Variants in RAD51B observed in about 807,000 individuals in gnomAD.
The protein encoded by RAD51B is RAD51 paralog B.
In RAD51B, 38 loss-of-function variants were observed where a neutral mutation model predicts 42.2. The ratio of observed to expected loss-of-function variants is 0.90; its 90% CI spans 0.70 to 1.18. The LOEUF is 1.18. RAD51B is among the 50% of genes most tolerant of loss of function. RAD51B has a pLI of 0.00. For missense variants in RAD51B, 373 were observed against 400.7 expected, an observed-to-expected ratio of 0.93 and a Z score of 0.59; for synonymous variants, 154 against 145.2, an observed-to-expected ratio of 1.06 and a Z score of -0.43.
intron 7 of RAD51B, among the ~76,000 whole-genome samples, chr14:68,005,045 G>GTTTTTTTTT (rs753867497): frequency 5.0e-5 from 4 of 79,498 alleles, no homozygotes; most frequent in African/African-American, 1.6e-4. Flanking sequence ...GTGTGTGTGT[G>GTTTTTTTTT]TTTTTTTTTT....
intron 7 of RAD51B, among the ~76,000 whole-genome samples, chr14:68,037,472 G>C (rs2076152365): frequency 6.6e-6 from 1 of 151,776 alleles, no homozygotes; most frequent in African/African-American, 2.4e-5. Context: ...GCCTGCCTTG[G>C]CCTCCCAAAG....
At chr14:68,312,287 T>C (rs1190244673) in intron 8 of RAD51B, among the ~76,000 whole-genome samples, 2 of 152,242 alleles carry the variant, frequency 1.3e-5, no homozygotes, top group African/African-American at 4.8e-5. Context: ...AGTTGTGTGA[T>C]ATCCATGCAT....
intron 11 of RAD51B, chr14:68,682,930 T>TTTTTTTTTGGGG: frequency 1.3e-6 from 1 of 796,820 alleles, no homozygotes; most frequent in Non-Finnish European, 1.5e-6. Flanking sequence ...TTTTTTTTTT[T>TTTTTTTTTGGGG]GTATAGGGCA....
chr14:68,286,679 T>C (rs2139645663), intron 7 of RAD51B, among the ~76,000 whole-genome samples: 1 of 152,316 alleles, frequency 6.6e-6, no homozygotes, highest in African/African-American at 2.4e-5. Flanking sequence ...CAAAGATATT[T>C]CTAACCTTCA....
intron 10 of RAD51B, among the ~76,000 whole-genome samples, chr14:68,573,199 C>T (rs1219448479): frequency 6.6e-6 from 1 of 152,188 alleles, no homozygotes; most frequent in African/African-American, 2.4e-5. Context: ...AGCCTTCCAG[C>T]AGCTCTCACC....
intron 7 of RAD51B, among the ~76,000 whole-genome samples, chr14:67,956,753 C>T (rs2074556312): frequency 6.6e-6 from 1 of 152,162 alleles, no homozygotes; most frequent in Non-Finnish European, 1.5e-5. Flanking sequence ...TAACCACTAA[C>T]TGTATGTGGC....
intron 4 of RAD51B, among the ~76,000 whole-genome samples, chr14:67,846,353 A>G (rs747075686): frequency 1.1e-4 from 16 of 152,120 alleles, no homozygotes; most frequent in Non-Finnish European, 2.2e-4. Flanking sequence ...TGCAGTGGCA[A>G]TGGCCACGCA....
At chr14:68,047,339 G>T (rs2076318837) in intron 7 of RAD51B, among the ~76,000 whole-genome samples, 1 of 152,144 alleles carries the variant, frequency 6.6e-6, no homozygotes, top group African/African-American at 2.4e-5. Flanking sequence ...GTCTCTACTT[G>T]CTGGGGCAAT....
chr14:68,629,460 G>A (rs967457653), intron 10 of RAD51B, among the ~76,000 whole-genome samples: 1 of 152,218 alleles, frequency 6.6e-6, no homozygotes, highest in South Asian at 2.1e-4. Flanking sequence ...AAATGTGGGC[G>A]TTAGCAGCTC....
intron 7 of RAD51B, among the ~76,000 whole-genome samples, chr14:67,931,820 C>A (rs2140159462): frequency 6.6e-6 from 1 of 152,130 alleles, no homozygotes; most frequent in Non-Finnish European, 1.5e-5. Context: ...TCTTGAATTT[C>A]TTTTTATTGG....
intron 8 of RAD51B, among the ~76,000 whole-genome samples, chr14:68,361,665 T>G (rs2083027239): frequency 6.6e-6 from 1 of 152,066 alleles, no homozygotes; most frequent in African/African-American, 2.4e-5. Context: ...CTTGTTCCCT[T>G]GAAGTCTTTT....
chr14:68,291,990 C>A lies in RAD51B; in HGVS notation c.853+10C>A. Reference sequence around the variant, plus strand: ...TTGTCCCTGTCTGAAGGTAAGGAATCTGTCCTGGAGAGGCTGAAACTTGAC... The same window carrying A: ...TTGTCCCTGTCTGAAGGTAAGGAATATGTCCTGGAGAGGCTGAAACTTGAC... On this transcript the variant is annotated intron_variant, in intron 8 of 10. Coordinates refer to ENST00000471583, the MANE Select transcript of RAD51B (RefSeq NM_133510.4). 6.2e-7 allele frequency: 1 copy of A among 1,604,656 alleles called. No individual in the cohort carries two copies. Among genetic ancestry groups the A allele is most frequent in the Non-Finnish European group, 8.5e-7 (1 of 1,171,470 alleles).
chr14:68,671,560 C>G (rs1434166837), intron 11 of RAD51B, among the ~76,000 whole-genome samples: 2 of 152,184 alleles, frequency 1.3e-5, no homozygotes, highest in East Asian at 3.9e-4. Flanking sequence ...TGCTCTCTCC[C>G]CCAACACCCC....
intron 10 of RAD51B, among the ~76,000 whole-genome samples, chr14:68,604,072 GTAACT>G (rs1891337152): frequency 6.6e-6 from 1 of 152,236 alleles, no homozygotes; most frequent in South Asian, 2.1e-4. Context: ...TGGGTGTCAT[GTAACT>G]CCCAAAAATG....
chr14:68,610,930 ATTC>A (rs1216603851), intron 10 of RAD51B: 4 of 665,264 alleles, frequency 6.0e-6, no homozygotes, highest in Non-Finnish European at 1.1e-5. Context: ...AACAGTTATT[ATTC>A]AATGTTGTTT....
At chr14:68,238,383 CT>C (rs1210236502) in intron 7 of RAD51B, among the ~76,000 whole-genome samples, 5 of 152,168 alleles carry the variant, frequency 3.3e-5, no homozygotes, top group African/African-American at 1.2e-4. Flanking sequence ...TCACTGCAGC[CT>C]TGAACTTCTG....
downstream of RAD51B, among the ~76,000 whole-genome samples, chr14:68,616,316 G>C (rs7157140): frequency 1 from 151,561 of 152,114 alleles, 75,517 homozygotes; most frequent in Middle Eastern, 1. Flanking sequence ...ATGGTGAATT[G>C]TCTAAGCTTT....
intron 8 of RAD51B, among the ~76,000 whole-genome samples, chr14:68,292,794 G>A (rs986613293): frequency 5.9e-5 from 9 of 152,186 alleles, no homozygotes; most frequent in Non-Finnish European, 1.2e-4. Context: ...TATGGTCTTA[G>A]AAATTGCAAG....
At chr14:68,467,961 G>C (rs1002984028) in intron 9 of RAD51B, among the ~76,000 whole-genome samples, 1 of 152,100 alleles carries the variant, frequency 6.6e-6, no homozygotes, top group Admixed American at 6.5e-5. Context: ...TGACAGAATA[G>C]TTGGAATAAG....
Sources: gnomAD v4.1 joint callset for allele counts (sites outside exome capture counted in the v4.1 genomes callset) on GRCh38, gnomAD v4.1.1 for gene constraint, MANE v1.5 for transcripts, NCBI Gene and HGNC (gene_info 2026-07-23, HGNC 2026-07-21) for gene names.